The following PIAS1 variants were observed in gnomAD, a reference collection of about 807,000 sequenced individuals.
The protein encoded by PIAS1 is E3 SUMO-protein ligase PIAS1.
Under a neutral mutation model 71.3 loss-of-function variants are expected in PIAS1, and 6 were observed. That is an observed-to-expected ratio of 0.08 (90% CI 0.05 to 0.17). The LOEUF (loss-of-function observed/expected upper bound fraction) is 0.17, where lower values mean the gene tolerates loss of function less well. Among genes scored for constraint, PIAS1 ranks in the 10% least tolerant of loss-of-function variants. The pLI is 1.00. For missense variants in PIAS1, 555 were observed against 793.6 expected, an observed-to-expected ratio of 0.70 and a Z score of 3.61; for synonymous variants, 303 against 292.9, an observed-to-expected ratio of 1.03 and a Z score of -0.35.
chr15:68,087,166 A>C (rs938834129), intron 2 of PIAS1, among the ~76,000 whole-genome samples: 2 of 152,180 alleles, frequency 1.3e-5, no homozygotes, highest in Non-Finnish European at 2.9e-5. Context: ...GAATGGTTTT[A>C]ATGATCATAA....
intron 7 of PIAS1, among the ~76,000 whole-genome samples, chr15:68,159,261 T>A (rs1329313031): frequency 2.0e-5 from 3 of 152,198 alleles, no homozygotes; most frequent in Non-Finnish European, 4.4e-5. Context: ...AAGTAATAAG[T>A]GCTTCTACTT....
Position 68,174,150 on chromosome 15 carries a change from C to A in PIAS1, c.1169+258C>A, listed in dbSNP as rs1160183090. Among the ~76,000 whole-genome samples the A allele has an allele frequency of 1.3e-5, 2 of 152,200 alleles. No individual in the cohort carries two copies. The highest frequency in any genetic ancestry group is 2.4e-5 in the African/African-American group (1 of 41,448). On this transcript the variant is annotated intron_variant, in intron 9 of 13. Coordinates refer to ENST00000249636, the MANE Select transcript of PIAS1 (RefSeq NM_016166.3). This position sits in a 1 kb window ranked among gnomAD's most constrained non-coding sequence, Gnocchi z 4.0. Reference sequence around the variant, plus strand: ...GCATTTGTCGTTGAAAGCACTGGTGCTTTTAAGCAGGGTGTGCTTATACCT... The same window carrying A: ...GCATTTGTCGTTGAAAGCACTGGTGATTTTAAGCAGGGTGTGCTTATACCT...
intron 2 of PIAS1, among the ~76,000 whole-genome samples, chr15:68,140,495 A>T (rs2141045515): frequency 6.6e-6 from 1 of 152,290 alleles, no homozygotes; most frequent in East Asian, 1.9e-4. Flanking sequence ...TTTCACAATT[A>T]AGACAACTTT....
At chr15:68,184,666 A>G (rs1445728808) in intron 13 of PIAS1, 1 of 152,298 alleles carries the variant, frequency 6.6e-6, no homozygotes, top group Non-Finnish European at 1.5e-5. Context: ...AACTCTAGAT[A>G]AGCTGATTAT....
intron 1 of PIAS1, among the ~76,000 whole-genome samples, chr15:68,058,929 A>G (rs1374590309): frequency 2.0e-5 from 3 of 151,994 alleles, no homozygotes; most frequent in Non-Finnish European, 4.4e-5. Flanking sequence ...AGGTTAGTAA[A>G]TACAGGTCTA....
chr15:68,117,570 A>T (rs2092576402), intron 2 of PIAS1, among the ~76,000 whole-genome samples: 2 of 152,180 alleles, frequency 1.3e-5, no homozygotes, highest in South Asian at 4.1e-4. Context: ...TACTTCTGTG[A>T]GAACAGCCTT....
At chr15:68,096,056 C>G (rs1199949830) in intron 2 of PIAS1, among the ~76,000 whole-genome samples, 1 of 152,084 alleles carries the variant, frequency 6.6e-6, no homozygotes, top group African/African-American at 2.4e-5. Flanking sequence ...AAATAAAAAG[C>G]CTGAATTGTT....
chr15:68,141,288 CCT>C (rs2092768177), intron 2 of PIAS1, among the ~76,000 whole-genome samples: 1 of 152,136 alleles, frequency 6.6e-6, no homozygotes, highest in Non-Finnish European at 1.5e-5. Context: ...ACTGTGCTTA[CCT>C]ACCTGCTTGC....
At chr15:68,062,761 A>C (rs1289010170) in intron 1 of PIAS1, among the ~76,000 whole-genome samples, 2 of 152,242 alleles carry the variant, frequency 1.3e-5, no homozygotes, top group Admixed American at 1.3e-4. Context: ...ACATAGAAGG[A>C]ACTTAAGTGA....
chr15:68,160,849 C>A (rs1482841661), intron 7 of PIAS1, among the ~76,000 whole-genome samples: 2 of 152,150 alleles, frequency 1.3e-5, no homozygotes, highest in African/African-American at 4.8e-5. Context: ...CAGCTGATAT[C>A]ATCACTAATG....
At chr15:68,089,075 T>C (rs2092311923) in intron 2 of PIAS1, among the ~76,000 whole-genome samples, 2 of 152,204 alleles carry the variant, frequency 1.3e-5, no homozygotes, top group South Asian at 4.1e-4. Flanking sequence ...TTCCCTTCCA[T>C]TGTGGCCTTA....
At chr15:68,107,504 G>A (rs2092482026) in intron 2 of PIAS1, among the ~76,000 whole-genome samples, 1 of 152,120 alleles carries the variant, frequency 6.6e-6, no homozygotes, top group Non-Finnish European at 1.5e-5. Flanking sequence ...CCACTTATGG[G>A]CAAATGTTAA....
chr15:68,139,995 C>T (rs189234711), intron 2 of PIAS1, among the ~76,000 whole-genome samples: 61 of 152,164 alleles, frequency 4.0e-4, no homozygotes, highest in Non-Finnish European at 6.5e-4. Flanking sequence ...AAACTATAGA[C>T]TTCACTGTCA....
chr15:68,160,449 T>C (rs2141072285), intron 7 of PIAS1, among the ~76,000 whole-genome samples: 1 of 152,324 alleles, frequency 6.6e-6, no homozygotes, highest in Non-Finnish European at 1.5e-5. Flanking sequence ...CCGGACGTTA[T>C]TCTTTTCCAT....
intron 11 of PIAS1, among the ~76,000 whole-genome samples, chr15:68,179,428 T>G (rs921052416): frequency 6.6e-6 from 1 of 152,138 alleles, no homozygotes; most frequent in Non-Finnish European, 1.5e-5. Context: ...TAACAAAGTT[T>G]CCATTAGATG....
intron 1 of PIAS1, among the ~76,000 whole-genome samples, chr15:68,077,104 GATAGA>G (rs1466391073): frequency 2.0e-5 from 3 of 152,206 alleles, no homozygotes; most frequent in Non-Finnish European, 2.9e-5. Context: ...ATGTGAAAAA[GATAGA>G]ATAAAGGTTT....
chr15:68,172,795 CAG>C (rs2092999709), intron 8 of PIAS1, among the ~76,000 whole-genome samples: 1 of 152,190 alleles, frequency 6.6e-6, no homozygotes, highest in Admixed American at 6.5e-5. Context: ...GCTAGCAGCT[CAG>C]GGACCAGATG....
chr15:68,157,427 G>A (rs991941434), intron 7 of PIAS1, among the ~76,000 whole-genome samples: 4 of 152,122 alleles, frequency 2.6e-5, no homozygotes, highest in Admixed American at 2.6e-4. Flanking sequence ...TTTTGTGAGA[G>A]TAGTCTACAC....
chr15:68,123,879 T>G (rs191428279), intron 2 of PIAS1, among the ~76,000 whole-genome samples: 1 of 152,336 alleles, frequency 6.6e-6, no homozygotes, highest in African/African-American at 2.4e-5. Flanking sequence ...TTGATCTGTA[T>G]TTGTACCATG....
Sources: gnomAD v4.1 joint callset for allele counts (sites outside exome capture counted in the v4.1 genomes callset) on GRCh38, gnomAD v4.1.1 for gene constraint, Gnocchi (gnomAD v3.1) non-coding constraint, MANE v1.5 for transcripts, NCBI Gene and HGNC (gene_info 2026-07-23, HGNC 2026-07-21) for gene names.